Variants in GALNT17 observed in about 807,000 individuals in gnomAD.
The protein encoded by GALNT17 is polypeptide N-acetylgalactosaminyltransferase 17.
Under a neutral mutation model 63.7 loss-of-function variants are expected in GALNT17, and 29 were observed. The observed-to-expected ratio is 0.46, with a 90% CI of 0.34 to 0.62. The LOEUF is 0.62. Among genes scored for constraint, GALNT17 ranks in the 20% least tolerant of loss-of-function variants. The probability of loss-of-function intolerance (pLI) is 0.01; values close to 1 mark genes in which losing one functional copy is unlikely to be tolerated. For missense variants in GALNT17, 603 were observed against 799.6 expected, an observed-to-expected ratio of 0.75 and a Z score of 2.97; for synonymous variants, 305 against 318.3, an observed-to-expected ratio of 0.96 and a Z score of 0.45.
chr7:71,696,133 G>A (rs1387084770), intron 9 of GALNT17, among the ~76,000 whole-genome samples: 1 of 152,166 alleles, frequency 6.6e-6, no homozygotes, highest in Non-Finnish European at 1.5e-5. Flanking sequence ...TTGTTTTAGA[G>A]ATAGGATCTT....
chr7:71,232,495 AG>A (rs758869160), intron 1 of GALNT17, among the ~76,000 whole-genome samples: 7 of 152,026 alleles, frequency 4.6e-5, no homozygotes, highest in Non-Finnish European at 7.4e-5. Context: ...GTTAGGGACT[AG>A]GGGGGATTTA....
intron 5 of GALNT17, among the ~76,000 whole-genome samples, chr7:71,425,784 G>T (rs1037078412): frequency 2.6e-5 from 4 of 152,128 alleles, no homozygotes; most frequent in South Asian, 4.1e-4. Context: ...TGCCATGGAG[G>T]ATGTATTAGT....
intron 2 of GALNT17, among the ~76,000 whole-genome samples, chr7:71,385,794 C>T (rs970367141): frequency 2.0e-5 from 3 of 152,138 alleles, no homozygotes; most frequent in South Asian, 2.1e-4. Context: ...TGGCTGGGTG[C>T]GGTGGCTCAT....
intron 5 of GALNT17, among the ~76,000 whole-genome samples, chr7:71,436,685 C>G (rs1447972080): frequency 6.8e-6 from 1 of 147,448 alleles, no homozygotes; most frequent in Non-Finnish European, 1.5e-5. Flanking sequence ...CACCACTGCA[C>G]TCCAGCCTGG....
chr7:71,390,858 T>G (rs1793036888), intron 3 of GALNT17, among the ~76,000 whole-genome samples: 1 of 152,182 alleles, frequency 6.6e-6, no homozygotes. Context: ...AGATTGGTAC[T>G]GTCAGTGTCA....
At chr7:71,569,350 G>A (rs1264166605) in intron 5 of GALNT17, among the ~76,000 whole-genome samples, 1 of 152,116 alleles carries the variant, frequency 6.6e-6, no homozygotes, top group Non-Finnish European at 1.5e-5. Flanking sequence ...TGATGCTGAA[G>A]TTTGGGCATC....
At chr7:71,650,967 A>G (rs1219534923) in intron 6 of GALNT17, among the ~76,000 whole-genome samples, 1 of 152,198 alleles carries the variant, frequency 6.6e-6, no homozygotes, top group African/African-American at 2.4e-5. Context: ...AAACATGTAG[A>G]TAGCACTGGA....
chr7:71,408,256 C>G (rs1292776444), intron 3 of GALNT17, among the ~76,000 whole-genome samples: 1 of 152,076 alleles, frequency 6.6e-6, no homozygotes, highest in Non-Finnish European at 1.5e-5. Context: ...CATTTTCATT[C>G]TATTTTGTTT....
intron 9 of GALNT17, among the ~76,000 whole-genome samples, chr7:71,687,408 G>C (rs532620821): frequency 6.6e-6 from 1 of 152,274 alleles, no homozygotes; most frequent in Non-Finnish European, 1.5e-5. Context: ...AGGCACCCCT[G>C]GTCGTCGTCG....
intron 1 of GALNT17, among the ~76,000 whole-genome samples, chr7:71,227,958 C>T (rs996642649): frequency 7.2e-5 from 11 of 152,192 alleles, no homozygotes; most frequent in Middle Eastern, 3.4e-3. Flanking sequence ...GCTGGTGGCT[C>T]ATCAGATGCC....
chr7:71,637,744 G>T (rs925000690), intron 6 of GALNT17, among the ~76,000 whole-genome samples: 1 of 152,082 alleles, frequency 6.6e-6, no homozygotes, highest in African/African-American at 2.4e-5. Flanking sequence ...GTACGCTGTC[G>T]CTGTGCTCAG....
chr7:71,155,712 G>A (rs772067116), intron 1 of GALNT17, among the ~76,000 whole-genome samples: 2 of 151,490 alleles, frequency 1.3e-5, no homozygotes, highest in Admixed American at 6.6e-5. Flanking sequence ...TGGAGAATTT[G>A]GTGTTTCTAT....
At chr7:71,359,368 G>T (rs539117562) in intron 2 of GALNT17, among the ~76,000 whole-genome samples, 1 of 152,104 alleles carries the variant, frequency 6.6e-6, no homozygotes, top group Non-Finnish European at 1.5e-5. Flanking sequence ...GGCAGGTGCC[G>T]GGTGCCAGGC....
rs759603442 is a variant in GALNT17 at position 71,421,064 on chromosome 7, A to G, written c.921A>G (p.Pro307=). Residue 307 remains proline (P), a synonymous_variant, in exon 5 of 11, where the codon CCA becomes CCG. Coordinates refer to ENST00000333538, the MANE Select transcript of GALNT17 (RefSeq NM_022479.3). ...TGTGGTGCATGTACATCAGCCCCCCAAAAGACTGGTGGGACGCCGGAGACC... is the reference window on the plus strand; with the variant it reads ...TGTGGTGCATGTACATCAGCCCCCCGAAAGACTGGTGGGACGCCGGAGACC... ...WELWCMYISP[P]KDWWDAGDPS... 1.2e-6 allele frequency: 2 copies of G among 1,614,108 alleles called. No homozygotes were observed. The highest frequency in any genetic ancestry group is 8.5e-7 in the Non-Finnish European group (1 of 1,180,002).
At chr7:71,185,415 C>A (rs1233041590) in intron 1 of GALNT17, among the ~76,000 whole-genome samples, 1 of 151,356 alleles carries the variant, frequency 6.6e-6, no homozygotes, top group Non-Finnish European at 1.5e-5. Flanking sequence ...TCAGGCAGGT[C>A]TTGAACTCCT....
intron 5 of GALNT17, among the ~76,000 whole-genome samples, chr7:71,527,773 A>G (rs1408118910): frequency 6.6e-6 from 1 of 152,306 alleles, no homozygotes; most frequent in African/African-American, 2.4e-5. Flanking sequence ...GCACGCGTGC[A>G]TGCATGTACA....
intron 5 of GALNT17, among the ~76,000 whole-genome samples, chr7:71,545,727 TTCTAA>T (rs1485777186): frequency 7.2e-5 from 11 of 152,176 alleles, no homozygotes; most frequent in South Asian, 2.1e-4. Context: ...TTCTTGAGAG[TTCTAA>T]TCTTACTGTA....
intron 5 of GALNT17, among the ~76,000 whole-genome samples, chr7:71,465,010 G>A (rs905179547): frequency 6.6e-6 from 1 of 152,104 alleles, no homozygotes; most frequent in Non-Finnish European, 1.5e-5. Context: ...ATCTTAATAC[G>A]AACTTAAGTT....
chr7:71,473,718 G>A (rs1225465542), intron 5 of GALNT17, among the ~76,000 whole-genome samples: 1 of 152,058 alleles, frequency 6.6e-6, no homozygotes, highest in African/African-American at 2.4e-5. Context: ...CAGTCAGTGG[G>A]GTGGCCTAGG....
Sources: allele counts gnomAD v4.1 joint callset (sites outside exome capture counted in the v4.1 genomes callset), GRCh38; gene constraint gnomAD v4.1.1; transcripts MANE v1.5; gene names NCBI Gene and HGNC (gene_info 2026-07-23, HGNC 2026-07-21).